The following RCAN3 variants were observed in gnomAD, a reference collection of about 807,000 sequenced individuals.
RCAN3 encodes calcipressin-3.
Under a neutral mutation model 21.9 loss-of-function variants are expected in RCAN3, and 19 were observed. The ratio of observed to expected loss-of-function variants is 0.87; its 90% CI spans 0.61 to 1.27. The LOEUF is 1.27. Among genes scored for constraint, RCAN3 ranks in the 50% most tolerant of loss-of-function variants. The pLI is 0.00. For missense variants in RCAN3, 240 were observed against 300.1 expected (o/e 0.80, Z 1.48); for synonymous variants, 114 against 112.3 (o/e 1.01, Z -0.09).
chr1:24,521,861 C>T (rs1000289074), intron 2 of RCAN3, among the ~76,000 whole-genome samples: 2 of 123,156 alleles, frequency 1.6e-5, no homozygotes, highest in African/African-American at 6.1e-5. Flanking sequence ...AACAAACAAA[C>T]AAAAAAAATT....
intron 2 of RCAN3, among the ~76,000 whole-genome samples, chr1:24,515,427 G>GGTGTGTGTGTGTGTGTGT (rs67348372): frequency 6.8e-6 from 1 of 146,380 alleles, no homozygotes; most frequent in African/African-American, 2.5e-5. Flanking sequence ...TAGAAAGAGA[G>GGTGTGTGTGTGTGTGTGT]GTGTGTGTGT....
intron 2 of RCAN3, among the ~76,000 whole-genome samples, chr1:24,518,846 T>C (rs1416982941): frequency 1.3e-5 from 2 of 152,128 alleles, no homozygotes; most frequent in Non-Finnish European, 2.9e-5. Flanking sequence ...CAGTCTCAGC[T>C]CAGTGCAACC....
intron 1 of RCAN3, among the ~76,000 whole-genome samples, chr1:24,505,225 C>CTTTTTTTTTTTTTTTTTTTTTT (rs1351108344): frequency 9.1e-6 from 1 of 109,564 alleles, no homozygotes; most frequent in Non-Finnish European, 1.8e-5. Context: ...TTTTTTTTCT[C>CTTTTTTTTTTTTTTTTTTTTTT]TTTTTTCTTT....
intron 2 of RCAN3, among the ~76,000 whole-genome samples, chr1:24,526,622 C>A (rs969436471): frequency 2.2e-4 from 33 of 152,142 alleles, no homozygotes; most frequent in African/African-American, 7.5e-4. Context: ...AATACATGAG[C>A]CTTTTCCCTT....
intron 1 of RCAN3, among the ~76,000 whole-genome samples, chr1:24,513,720 G>C (rs1648078991): frequency 6.6e-6 from 1 of 152,168 alleles, no homozygotes; most frequent in African/African-American, 2.4e-5. Context: ...TTGATTTTCT[G>C]TGTTAAATTT....
intron 2 of RCAN3, among the ~76,000 whole-genome samples, chr1:24,516,885 C>T (rs1648365192): frequency 6.6e-6 from 1 of 152,162 alleles, no homozygotes; most frequent in Admixed American, 6.6e-5. Flanking sequence ...ATGCTATTTG[C>T]TTTCCCAAGT....
In RCAN3 at chr1:24,518,726, G is replaced by A. The variant is rs1570461400; in HGVS notation, c.195+4159G>A. On this transcript the variant is annotated intron_variant, in intron 2 of 4. Transcript: ENST00000374395. The stretch of plus-strand genomic sequence containing the variant: ...TCCTACCTCAGCCTCTCGAGTAGCT[G>A]GGACTATAGGCATGCACCAGCACAT... Among the ~76,000 whole-genome samples, 5 of 151,614 alleles carry A rather than the reference G, an allele frequency of 3.3e-5. No individual in the cohort carries two copies. In the South Asian group the frequency reaches 6.3e-4, roughly 19 times the overall value.
At position 24,525,607 on chromosome 1, in the gene RCAN3, T is replaced by C. The variant is rs920108778; in HGVS notation, c.196-5611T>C. Among the ~76,000 whole-genome samples, 15 of 152,248 alleles carry C rather than the reference T, an allele frequency of 9.9e-5. No homozygotes were observed. Among genetic ancestry groups the C allele is most frequent in the Non-Finnish European group, 2.1e-4 (14 of 68,046 alleles). On this transcript the variant is annotated intron_variant, in intron 2 of 4. Coordinates refer to ENST00000374395, the MANE Select transcript of RCAN3 (RefSeq NM_013441.4). The surrounding 1 kb of genome is among the most constrained non-coding windows in gnomAD (Gnocchi z 4.1). ...TCACCCAACAGGATGATGTTAATTT[T>C]ATATCATTAGAGAATTCAGAAATTT...
chr1:24,534,268 G>A (rs1650035662), intron 4 of RCAN3, among the ~76,000 whole-genome samples: 1 of 152,098 alleles, frequency 6.6e-6, no homozygotes, highest in Admixed American at 6.6e-5. Context: ...TATGCTGCCT[G>A]GATCCTTACA....
chr1:24,507,409 C>T (rs1472324049), intron 1 of RCAN3, among the ~76,000 whole-genome samples: 1 of 152,192 alleles, frequency 6.6e-6, no homozygotes, highest in African/African-American at 2.4e-5. Flanking sequence ...TTTGTCTGTG[C>T]TGACATATCA....
intron 1 of RCAN3, among the ~76,000 whole-genome samples, chr1:24,512,245 G>A (rs1416948047): frequency 1.3e-5 from 2 of 151,834 alleles, no homozygotes; most frequent in African/African-American, 4.8e-5. Context: ...GCTACTTGGG[G>A]GGCTGAGGCA....
At chr1:24,508,700 G>A (rs759596260) in intron 1 of RCAN3, among the ~76,000 whole-genome samples, 2 of 152,134 alleles carry the variant, frequency 1.3e-5, no homozygotes, top group Non-Finnish European at 2.9e-5. Flanking sequence ...CGGGGATATC[G>A]CGGGTTTCGT....
At chr1:24,507,292 G>A (rs1647514343) in intron 1 of RCAN3, among the ~76,000 whole-genome samples, 1 of 152,150 alleles carries the variant, frequency 6.6e-6, no homozygotes, top group Admixed American at 6.5e-5. Flanking sequence ...CTGGCTTTGT[G>A]TGGAATGCTC....
At chr1:24,523,057 T>G (rs183090351) in intron 2 of RCAN3, among the ~76,000 whole-genome samples, 1 of 151,950 alleles carries the variant, frequency 6.6e-6, no homozygotes, top group East Asian at 1.9e-4. Context: ...TCTGTGTGTA[T>G]GTACACACAC....
intron 1 of RCAN3, among the ~76,000 whole-genome samples, chr1:24,512,317 C>T (rs1310471269): frequency 6.6e-6 from 1 of 150,996 alleles, no homozygotes; most frequent in Non-Finnish European, 1.5e-5. Flanking sequence ...CTACTGCACT[C>T]CAGCCTGGGC....
rs6682514 is a variant in RCAN3, at chr1:24,538,984, T to G, written c.*3707T>G. On this transcript the variant is annotated 3_prime_UTR_variant, in exon 5 of 5. Transcript: ENST00000374395. ...TTAACTCCATCTTTTAAAAATGTCA[T>G]GATTACAAAGTGAAAAGATTTGGCT... 1.3e-5 allele frequency: 2 copies of G among 151,982 alleles called. No homozygotes were observed. Among genetic ancestry groups the G allele is most frequent in the Admixed American group, 1.3e-4 (2 of 15,270 alleles). 9.4% of individuals were successfully genotyped at this position (151,982 alleles called of 1,614,324 possible).
intron 2 of RCAN3, 62 bp downstream of exon 2, chr1:24,514,629 A>G (rs1295426157): frequency 2.7e-6 from 4 of 1,503,314 alleles, no homozygotes; most frequent in Non-Finnish European, 3.6e-6. Flanking sequence ...GGATTTGGGG[A>G]AACAGAGCTT....
chr1:24,531,439 A>G, intron 3 of RCAN3, 48 bp downstream of exon 3: 1 of 1,364,524 alleles, frequency 7.3e-7, no homozygotes, highest in East Asian at 2.4e-5. Context: ...GTTTTTCTCC[A>G]TCCAAAAATA....
chr1:24,518,276 T>C (rs1004413823), intron 2 of RCAN3, among the ~76,000 whole-genome samples: 1 of 152,244 alleles, frequency 6.6e-6, no homozygotes, highest in Non-Finnish European at 1.5e-5. Flanking sequence ...GGTGCCATTA[T>C]CATGTAAATG....
Sources: allele counts gnomAD v4.1 joint callset (sites outside exome capture counted in the v4.1 genomes callset), GRCh38; gene constraint gnomAD v4.1.1; non-coding constraint Gnocchi (gnomAD v3.1); transcripts MANE v1.5; gene names NCBI Gene and HGNC (gene_info 2026-07-23, HGNC 2026-07-21).